NRF1: variants seen among roughly 807,000 people sequenced by gnomAD.
NRF1 encodes the protein nuclear respiratory factor 1.
A neutral mutation model predicts 58.5 loss-of-function variants in NRF1; 5 were observed. The ratio of observed to expected loss-of-function variants is 0.09; its 90% CI spans 0.04 to 0.18. The LOEUF (loss-of-function observed/expected upper bound fraction) is 0.18, where lower values mean the gene tolerates loss of function less well. Among genes scored for constraint, NRF1 ranks in the 10% least tolerant of loss-of-function variants. The pLI is 1.00. For synonymous variants in NRF1, 224 were observed against 246.7 expected, an observed-to-expected ratio of 0.91 and a Z score of 0.86; for missense variants, 288 against 657.7, an observed-to-expected ratio of 0.44 and a Z score of 6.15.
At chr7:129,692,370 T>A (rs1584645691) in intron 5 of NRF1, among the ~76,000 whole-genome samples, 1 of 152,040 alleles carries the variant, frequency 6.6e-6, no homozygotes, top group Admixed American at 6.5e-5. Flanking sequence ...AGCAGGCTGG[T>A]ATTTTTTTTG....
intron 2 of NRF1, among the ~76,000 whole-genome samples, chr7:129,665,963 T>G (rs755191850): frequency 6.6e-6 from 1 of 152,236 alleles, no homozygotes; most frequent in Non-Finnish European, 1.5e-5. Flanking sequence ...TCATTTTCTT[T>G]GAAATGATAA....
chr7:129,746,397 C>G (rs1434558281), intron 10 of NRF1, among the ~76,000 whole-genome samples: 3 of 152,114 alleles, frequency 2.0e-5, no homozygotes, highest in Non-Finnish European at 4.4e-5. Flanking sequence ...CTCAGCCTGT[C>G]TAACTGCTGT....
At chr7:129,645,671 A>G (rs1801389568) in intron 1 of NRF1, among the ~76,000 whole-genome samples, 1 of 152,168 alleles carries the variant, frequency 6.6e-6, no homozygotes, top group Non-Finnish European at 1.5e-5. Context: ...TGTTATTTCT[A>G]TGAAGAGACA....
intron 1 of NRF1, among the ~76,000 whole-genome samples, chr7:129,649,191 C>G (rs1467045165): frequency 1.3e-5 from 2 of 152,096 alleles, no homozygotes; most frequent in African/African-American, 4.8e-5. Context: ...GGAGCAAACC[C>G]TATAGTTGAC....
At chr7:129,713,338 C>T (rs775952881) in intron 8 of NRF1, among the ~76,000 whole-genome samples, 5 of 152,106 alleles carry the variant, frequency 3.3e-5, no homozygotes, top group Admixed American at 6.6e-5. Flanking sequence ...ATCCGCCTGC[C>T]TTGGCCTCCC....
chr7:129,740,679 C>T (rs1180318977), intron 10 of NRF1, among the ~76,000 whole-genome samples: 2 of 152,236 alleles, frequency 1.3e-5, no homozygotes, highest in Non-Finnish European at 2.9e-5. Context: ...GAAAGACCAG[C>T]ACTGCCTCAT....
At position 129,671,978 on chromosome 7, in the gene NRF1, G is replaced by A. The variant is rs943714429; in HGVS notation, c.338+435G>A. On this transcript the variant is annotated intron_variant, in intron 3 of 10. Coordinates refer to ENST00000393232, the MANE Select transcript of NRF1 (RefSeq NM_005011.5). ...GGATATAGTCAGTTTTCTCTATTACGGGGATGGTCTGGGAAATCCTTTTTG... is the reference window on the plus strand; with the variant it reads ...GGATATAGTCAGTTTTCTCTATTACAGGGATGGTCTGGGAAATCCTTTTTG... Among the ~76,000 whole-genome samples the A allele has an allele frequency of 6.6e-5, 10 of 152,094 alleles. 1 individual carries two copies. Among genetic ancestry groups the A allele is most frequent in the African/African-American group, 1.9e-4 (8 of 41,412 alleles).
chr7:129,735,190 C>T (rs1803678011), intron 10 of NRF1: 3 of 985,412 alleles, frequency 3.0e-6, no homozygotes, highest in Non-Finnish European at 3.6e-6. Context: ...GGTCTCAACC[C>T]TCCCTCCTCA....
chr7:129,670,006 AC>A (rs1385549067), intron 2 of NRF1, among the ~76,000 whole-genome samples: 1 of 152,222 alleles, frequency 6.6e-6, no homozygotes, highest in African/African-American at 2.4e-5. Flanking sequence ...AACATTATTC[AC>A]CCTTAAAAAC....
chr7:129,745,381 G>GCAT (rs1482000125), intron 10 of NRF1, among the ~76,000 whole-genome samples: 1 of 152,098 alleles, frequency 6.6e-6, no homozygotes, highest in East Asian at 1.9e-4. Context: ...AGGTGAGCAA[G>GCAT]CATCACCGCC....
rs151021079 is a variant in NRF1, at chr7:129,684,976, A to G, written c.466-5430A>G. Reference sequence around the variant, plus strand: ...CTGGAGAGACAATAGGATGAAGTCAACATAACTTCAGGGGCCACAGCCTGC... The same window carrying G: ...CTGGAGAGACAATAGGATGAAGTCAGCATAACTTCAGGGGCCACAGCCTGC... On this transcript the variant is annotated intron_variant, in intron 4 of 10. Transcript: ENST00000393232. Among the ~76,000 whole-genome samples, 55 of 152,332 alleles carry G rather than the reference A, an allele frequency of 3.6e-4. 1 individual carries two copies. The East Asian group carries it at 0.01, about 29-fold the overall frequency.
chr7:129,723,752 T>A (rs1803388510), intron 9 of NRF1, among the ~76,000 whole-genome samples: 1 of 152,218 alleles, frequency 6.6e-6, no homozygotes, highest in Non-Finnish European at 1.5e-5. Context: ...GCTCTCAATT[T>A]TATTCCACTG....
chr7:129,746,330 C>T (rs754680819), intron 10 of NRF1, among the ~76,000 whole-genome samples: 1 of 152,198 alleles, frequency 6.6e-6, no homozygotes, highest in Non-Finnish European at 1.5e-5. Flanking sequence ...ACATTCTCTT[C>T]ATGACCTTCC....
At chr7:129,637,771 C>A (rs928028658) in intron 1 of NRF1, among the ~76,000 whole-genome samples, 1 of 152,156 alleles carries the variant, frequency 6.6e-6, no homozygotes, top group Non-Finnish European at 1.5e-5. Context: ...CAACCCGCAG[C>A]CCACAAGCTG....
chr7:129,618,652 G>A (rs1800704971), intron 1 of NRF1, among the ~76,000 whole-genome samples: 1 of 152,106 alleles, frequency 6.6e-6, no homozygotes, highest in Admixed American at 6.5e-5. Context: ...CTATGATAGG[G>A]CCACTGCACT....
At chr7:129,751,796 C>A (rs1304987863) in intron 10 of NRF1, among the ~76,000 whole-genome samples, 1 of 152,266 alleles carries the variant, frequency 6.6e-6, no homozygotes, top group Non-Finnish European at 1.5e-5. Context: ...CCTGGAGGAA[C>A]ACACAGGTGT....
chr7:129,634,039 AAAAGATAT>A (rs1449266550), intron 1 of NRF1, among the ~76,000 whole-genome samples: 30 of 89,446 alleles, frequency 3.4e-4, no homozygotes, highest in African/African-American at 1.0e-3. Context: ...TAAAAAAAAA[AAAAGATAT>A]ATATATATAT....
rs984568568 is a variant in NRF1, at chr7:129,685,582, T to C, written c.466-4824T>C. On this transcript the variant is annotated intron_variant, in intron 4 of 10. Transcript: ENST00000393232. ...GTGTGTGTGTGTGTGTGTGTGTGTG[T>C]GTGTGTGTGTGTGTGTGTGTGTATG... is the stretch of plus-strand genomic sequence containing the variant. Among the ~76,000 whole-genome samples the C allele has an allele frequency of 1.5e-3, 215 of 148,192 alleles. 2 individuals carry two copies. Among genetic ancestry groups the C allele is most frequent in the African/African-American group, 4.9e-3 (199 of 40,226 alleles).
Position 129,717,393 on chromosome 7 carries a change from G to T in NRF1, c.1223+17G>T. On this transcript the variant is annotated intron_variant, in intron 9 of 10. Coordinates refer to ENST00000393232, the MANE Select transcript of NRF1 (RefSeq NM_005011.5). ...GCTTAACAGGTGGTGGCAAGAGTGTGGGAATAAGTGAGGATCGCAAATCTG... is the reference window on the plus strand; with the variant it reads ...GCTTAACAGGTGGTGGCAAGAGTGTTGGAATAAGTGAGGATCGCAAATCTG... 4 of 1,592,912 alleles carry T rather than the reference G, an allele frequency of 2.5e-6. No homozygotes were observed. The highest frequency in any genetic ancestry group is 3.4e-6 in the Non-Finnish European group (4 of 1,169,374).
Sources: gnomAD v4.1 joint callset for allele counts (sites outside exome capture counted in the v4.1 genomes callset) on GRCh38, gnomAD v4.1.1 for gene constraint, MANE v1.5 for transcripts, NCBI Gene and HGNC (gene_info 2026-07-23, HGNC 2026-07-21) for gene names.